The following NAALADL2 variants were observed in gnomAD, a reference collection of about 807,000 sequenced individuals.
NAALADL2 encodes the protein inactive N-acetylated-alpha-linked acidic dipeptidase-like protein 2.
In NAALADL2, 76 loss-of-function variants were observed where a neutral mutation model predicts 87.2. The ratio of observed to expected loss-of-function variants is 0.87; its 90% CI spans 0.72 to 1.05. The LOEUF is 1.05. NAALADL2 is among the 50% of genes least tolerant of loss of function. NAALADL2 has a pLI of 0.00. For missense variants in NAALADL2, 1,089 were observed against 945.8 expected (o/e 1.15, Z -1.99); for synonymous variants, 354 against 331.0 (o/e 1.07, Z -0.75).
intron 2 of NAALADL2, among the ~76,000 whole-genome samples, chr3:175,156,495 A>C (rs1461275): frequency 0.18 from 26,793 of 152,096 alleles, 2,973 homozygotes; most frequent in African/African-American, 0.31. Context: ...ATGTTGAAAT[A>C]ATACTCGTCA....
chr3:174,724,726 A>C (rs1732026530), intron 2 of NAALADL2, among the ~76,000 whole-genome samples: 1 of 152,180 alleles, frequency 6.6e-6, no homozygotes, highest in Non-Finnish European at 1.5e-5. Flanking sequence ...ACTATGTTTT[A>C]AATAATTACC....
At chr3:175,481,085 A>G (rs1260638590) in intron 9 of NAALADL2, among the ~76,000 whole-genome samples, 1 of 151,914 alleles carries the variant, frequency 6.6e-6, no homozygotes. Context: ...TTAAAATACT[A>G]TAAGTAGCTG....
At chr3:174,482,922 C>T (rs1717646996) in intron 1 of NAALADL2, among the ~76,000 whole-genome samples, 1 of 152,000 alleles carries the variant, frequency 6.6e-6, no homozygotes, top group Non-Finnish European at 1.5e-5. Flanking sequence ...CTCTTTCTTT[C>T]CCACTCAAGA....
At chr3:175,636,417 G>A (rs907243370) in intron 11 of NAALADL2, among the ~76,000 whole-genome samples, 10 of 151,990 alleles carry the variant, frequency 6.6e-5, no homozygotes, top group South Asian at 6.2e-4. Context: ...TCAAGGAATC[G>A]GCGGGGCACG....
intron 3 of NAALADL2, among the ~76,000 whole-genome samples, chr3:174,784,517 C>T (rs549051823): frequency 1.8e-4 from 27 of 152,156 alleles, no homozygotes; most frequent in South Asian, 6.2e-4. Flanking sequence ...TGAAATCAAA[C>T]GATAAAAACC....
intron 3 of NAALADL2, among the ~76,000 whole-genome samples, chr3:174,794,386 C>T (rs988232356): frequency 3.9e-5 from 6 of 151,954 alleles, no homozygotes; most frequent in Admixed American, 6.6e-5. Context: ...TTATAATCTT[C>T]TCATATGTAT....
chr3:175,307,559 A>G (rs1757870253), intron 4 of NAALADL2, among the ~76,000 whole-genome samples: 2 of 152,192 alleles, frequency 1.3e-5, no homozygotes, highest in Admixed American at 1.3e-4. Context: ...TCAGAAGCAT[A>G]TATTTCTTTA....
intron 4 of NAALADL2, among the ~76,000 whole-genome samples, chr3:175,260,449 A>G (rs1750834360): frequency 6.6e-6 from 1 of 152,172 alleles, no homozygotes; most frequent in South Asian, 2.1e-4. Flanking sequence ...GTATCTTTCA[A>G]TATACATTCC....
At chr3:174,979,304 CTTTTTT>C (rs5854604) in intron 1 of NAALADL2, among the ~76,000 whole-genome samples, 5 of 105,202 alleles carry the variant, frequency 4.8e-5, no homozygotes, top group African/African-American at 2.0e-4. Flanking sequence ...TCTTTCTTTT[CTTTTTT>C]TTTTTTTTTT....
At chr3:175,371,021 C>T (rs1391424195) in intron 5 of NAALADL2, among the ~76,000 whole-genome samples, 3 of 152,132 alleles carry the variant, frequency 2.0e-5, no homozygotes, top group Non-Finnish European at 4.4e-5. Context: ...AATCATTAGG[C>T]CATGTCTGCC....
intron 2 of NAALADL2, among the ~76,000 whole-genome samples, chr3:174,657,947 A>G (rs1027619576): frequency 2.6e-5 from 4 of 152,114 alleles, no homozygotes; most frequent in Admixed American, 2.0e-4. Context: ...ATGTATTTTC[A>G]TAGCTCATTT....
chr3:174,862,892 C>T (rs559767501), intron 1 of NAALADL2, among the ~76,000 whole-genome samples: 1 of 152,080 alleles, frequency 6.6e-6, no homozygotes, highest in East Asian at 1.9e-4. Context: ...CTAGGAAATC[C>T]CTACTCTGAA....
chr3:175,529,520 G>T (rs958814295), intron 9 of NAALADL2, among the ~76,000 whole-genome samples: 1 of 152,106 alleles, frequency 6.6e-6, no homozygotes, highest in African/African-American at 2.4e-5. Flanking sequence ...CCATATATTG[G>T]ACACTGAATA....
At position 174,674,719 on chromosome 3, in the gene NAALADL2, T is replaced by C. The variant is rs184507023; in HGVS notation, c.-114-62922T>C. Among the ~76,000 whole-genome samples the C allele has an allele frequency of 9.2e-5, 14 of 152,158 alleles. No homozygotes were observed. In the East Asian group the frequency reaches 2.3e-3, roughly 25 times the overall value. On this transcript the variant is annotated intron_variant, in intron 2 of 3. Transcript: ENST00000434257. ...AGGGTCTATTTTTTTACACTATCAT[T>C]TTCCCTGCCTTTTTACTTCTTTTCT...
chr3:175,445,559 A>G (rs539197280), intron 5 of NAALADL2, among the ~76,000 whole-genome samples: 4 of 152,244 alleles, frequency 2.6e-5, no homozygotes, highest in Non-Finnish European at 5.9e-5. Context: ...CCACTTTGAG[A>G]GATAGAGACT....
At chr3:175,301,492 C>G (rs756479582) in intron 4 of NAALADL2, among the ~76,000 whole-genome samples, 1 of 152,096 alleles carries the variant, frequency 6.6e-6, no homozygotes, top group Non-Finnish European at 1.5e-5. Context: ...ATTCTTAAAA[C>G]ATTGTTAATT....
intron 2 of NAALADL2, among the ~76,000 whole-genome samples, chr3:175,206,294 GT>G (rs1740873765): frequency 1.0e-5 from 1 of 97,060 alleles, no homozygotes; most frequent in Non-Finnish European, 1.8e-5. Context: ...GTGTATGTAT[GT>G]GTATATATAT....
At chr3:175,124,813 T>A (rs567756400) in intron 2 of NAALADL2, among the ~76,000 whole-genome samples, 1 of 152,136 alleles carries the variant, frequency 6.6e-6, no homozygotes, top group African/African-American at 2.4e-5. Context: ...GGTGAGAGTA[T>A]TGTGTCCCAA....
intron 1 of NAALADL2, among the ~76,000 whole-genome samples, chr3:175,013,178 T>G (rs1290506576): frequency 7.8e-6 from 1 of 128,056 alleles, no homozygotes; most frequent in African/African-American, 2.9e-5. Flanking sequence ...TAATACATAT[T>G]TATATATAAA....
Sources: gnomAD v4.1 joint callset for allele counts (sites outside exome capture counted in the v4.1 genomes callset) on GRCh38, gnomAD v4.1.1 for gene constraint, MANE v1.5 for transcripts, NCBI Gene and HGNC (gene_info 2026-07-23, HGNC 2026-07-21) for gene names.